The following TPTE2 variants were observed in gnomAD, a reference collection of about 807,000 sequenced individuals.
TPTE2 encodes phosphatidylinositol 3,4,5-trisphosphate 3-phosphatase TPTE2.
TPTE2 carries 53 observed loss-of-function variants against 78.6 expected under a neutral mutation model. That is an observed-to-expected ratio of 0.67 (90% CI 0.54 to 0.85). The LOEUF is 0.85. Among genes scored for constraint, TPTE2 ranks in the 40% least tolerant of loss-of-function variants. The pLI, the probability that TPTE2 is intolerant of heterozygous loss-of-function variation, is 0.00. For missense variants in TPTE2, 461 were observed against 623.0 expected (o/e 0.74, Z 2.77); for synonymous variants, 175 against 206.2 (o/e 0.85, Z 1.30).
chr13:19,554,357 A>G, the TPTE2 span, among the ~76,000 whole-genome samples: 1 of 139,872 alleles, frequency 7.1e-6, no homozygotes, highest in Non-Finnish European at 1.6e-5. Flanking sequence ...CCTAGGCGAC[A>G]GAGCAAGATT....
At chr13:19,430,338 G>A (rs1876468236) in intron 17 of TPTE2, 130 bp downstream of exon 20, 1 of 706,248 alleles carries the variant, frequency 1.4e-6, no homozygotes, top group South Asian at 1.8e-5. Context: ...ACACCAAGTT[G>A]TATGGTAACC....
At position 19,469,913 on chromosome 13, in the gene TPTE2, T is replaced by G. The variant is rs2137578619; in HGVS notation, c.393-2569A>C. On this transcript the variant is annotated intron_variant, in intron 6 of 19. Coordinates refer to ENST00000400230, the Ensembl canonical transcript of TPTE2. ...TACTGAATTTATCAGTTCTAATAGT[T>G]TTCTTTGTGGAGTCTTTAGTATTTT... 1.3e-5 allele frequency among the ~76,000 whole-genome samples: 2 copies of G among 152,336 alleles called. 1 individual carries two copies. Among genetic ancestry groups the G allele is most frequent in the South Asian group, 4.1e-4 (2 of 4,828 alleles).
chr13:19,518,178 CAAAT>C (rs1869922630), intron 1 of TPTE2, among the ~76,000 whole-genome samples: 1 of 152,096 alleles, frequency 6.6e-6, no homozygotes, highest in East Asian at 1.9e-4. Context: ...TGTGAGAAAA[CAAAT>C]AGTTGTACAT....
At chr13:19,481,888 A>C (rs1268014074) in intron 4 of TPTE2, among the ~76,000 whole-genome samples, 4 of 152,126 alleles carry the variant, frequency 2.6e-5, no homozygotes, top group Non-Finnish European at 4.4e-5. Context: ...CTGGGCAAGA[A>C]AGAAGCAGAA....
At chr13:19,434,417 A>G (rs1243740857) in intron 15 of TPTE2, among the ~76,000 whole-genome samples, 1 of 152,212 alleles carries the variant, frequency 6.6e-6, no homozygotes, top group Admixed American at 6.5e-5. Context: ...GTGGAAGAGA[A>G]GGTTGGAAAA....
At chr13:19,513,395 C>A (rs1281544490) in intron 1 of TPTE2, among the ~76,000 whole-genome samples, 3 of 152,142 alleles carry the variant, frequency 2.0e-5, no homozygotes, top group Non-Finnish European at 2.9e-5. Flanking sequence ...ACTATTTTCC[C>A]ATGAATAATT....
intron 1 of TPTE2, among the ~76,000 whole-genome samples, chr13:19,499,562 C>A (rs1287191350): frequency 1.4e-5 from 2 of 144,456 alleles, no homozygotes; most frequent in African/African-American, 2.6e-5. Context: ...GGGTATATAA[C>A]GAAATGAAGG....
At chr13:19,513,675 AT>A (rs1189418069) in intron 1 of TPTE2, among the ~76,000 whole-genome samples, 1 of 152,070 alleles carries the variant, frequency 6.6e-6, no homozygotes, top group Non-Finnish European at 1.5e-5. Flanking sequence ...CTGGTACTTC[AT>A]TTTTCTCTGG....
intron 18 of TPTE2, among the ~76,000 whole-genome samples, chr13:19,425,487 C>G (rs1462002529): frequency 6.6e-6 from 1 of 152,174 alleles, no homozygotes; most frequent in African/African-American, 2.4e-5. Flanking sequence ...CTCCATGTGA[C>G]TGATCCTGAT....
chr13:19,434,678 A>G (rs1405740557), intron 15 of TPTE2, among the ~76,000 whole-genome samples: 2 of 152,170 alleles, frequency 1.3e-5, no homozygotes, highest in Non-Finnish European at 2.9e-5. Context: ...CTAAAGGTTT[A>G]GGGCCGGTAG....
intron 1 of TPTE2, among the ~76,000 whole-genome samples, chr13:19,515,786 C>A (rs1282839733): frequency 6.6e-6 from 1 of 152,096 alleles, no homozygotes; most frequent in African/African-American, 2.4e-5. Flanking sequence ...ACATAAGCAG[C>A]CTTATTAAAT....
chr13:19,543,919 T>G, the TPTE2 span, among the ~76,000 whole-genome samples: 1 of 151,314 alleles, frequency 6.6e-6, no homozygotes, highest in African/African-American at 2.4e-5. Context: ...AAAATTTAGC[T>G]AGGTGTGATG....
At position 19,425,023 on chromosome 13, in the gene TPTE2, A is replaced by G. The variant is rs780015057; in HGVS notation, c.1396-6T>C. On this transcript the variant is annotated splice_region_variant and splice_polypyrimidine_tract_variant and intron_variant, in intron 18 of 19. Coordinates refer to ENST00000400230, the Ensembl canonical transcript of TPTE2. ...TCATAGTATTTAGGAAGATTCTAAA[A>G]AGAAAAAAAATTTCAAAGTAAAACT... 6.7e-7 allele frequency: 1 copy of G among 1,486,988 alleles called. No individual in the cohort carries two copies. The highest frequency in any genetic ancestry group is 1.2e-5 in the South Asian group (1 of 81,338). The allele number at this position is 1,486,988 out of a possible 1,614,324, so 92.1% of individuals were successfully genotyped here.
intron 1 of TPTE2, among the ~76,000 whole-genome samples, chr13:19,528,301 C>T (rs531995935): frequency 8.6e-5 from 13 of 151,828 alleles, no homozygotes; most frequent in East Asian, 3.9e-4. Flanking sequence ...GCAGGAGAAT[C>T]GCTTGAATCC....
chr13:19,427,276 G>T (rs1223051911), intron 17 of TPTE2, among the ~76,000 whole-genome samples: 1 of 150,956 alleles, frequency 6.6e-6, no homozygotes, highest in Admixed American at 6.6e-5. Context: ...GTGGAGACGG[G>T]GTTTCACCAT....
intron 1 of TPTE2, among the ~76,000 whole-genome samples, chr13:19,508,898 ATAGCTCTCCG>A (rs142419936): frequency 0.025 from 3,852 of 152,254 alleles, 128 homozygotes; most frequent in African/African-American, 0.074. Flanking sequence ...GACCAACATC[ATAGCTCTCCG>A]TACCATAAAG....
chr13:19,463,736 T>A (rs954114495), intron 10 of TPTE2, among the ~76,000 whole-genome samples: 4 of 152,174 alleles, frequency 2.6e-5, no homozygotes, highest in Non-Finnish European at 4.4e-5. Flanking sequence ...TTCAGGTGAC[T>A]TTTTTGGCTG....
intron 10 of TPTE2, among the ~76,000 whole-genome samples, chr13:19,457,843 G>A (rs1270921471): frequency 1.3e-5 from 2 of 152,038 alleles, no homozygotes; most frequent in Non-Finnish European, 2.9e-5. Flanking sequence ...ATAAGTAAAA[G>A]GAACCATCTT....
At chr13:19,428,772 T>G (rs190931193) in intron 17 of TPTE2, among the ~76,000 whole-genome samples, 4 of 152,058 alleles carry the variant, frequency 2.6e-5, no homozygotes, top group Admixed American at 1.3e-4. Flanking sequence ...ACTAACTAAC[T>G]AACTAAATTA....
Sources: gnomAD v4.1 joint callset for allele counts (sites outside exome capture counted in the v4.1 genomes callset) on GRCh38, gnomAD v4.1.1 for gene constraint, MANE v1.5 for transcripts, NCBI Gene and HGNC (gene_info 2026-07-23, HGNC 2026-07-21) for gene names.